Variants in ICOS observed in about 807,000 individuals in gnomAD.
The protein encoded by ICOS is inducible T cell costimulator, also known as inducible T-cell costimulator.
In ICOS, 15 loss-of-function variants were observed where a neutral mutation model predicts 24.6. That is an observed-to-expected ratio of 0.61 (90% CI 0.41 to 0.94). The LOEUF is 0.94. Among genes scored for constraint, ICOS ranks in the 40% least tolerant of loss-of-function variants. The pLI, the probability that ICOS is intolerant of heterozygous loss-of-function variation, is 0.00. For synonymous variants in ICOS, 89 were observed against 77.5 expected (o/e 1.15, Z -0.78); for missense variants, 200 against 233.0 (o/e 0.86, Z 0.92).
At chr2:203,957,923 C>A (rs779182018) in intron 4 of ICOS, 40 bp downstream of exon 4, 1 of 1,229,308 alleles carries the variant, frequency 8.1e-7, no homozygotes, top group African/African-American at 1.5e-5. Context: ...GAAGAGGTTT[C>A]TTCACAGTAA....
intron 1 of ICOS, among the ~76,000 whole-genome samples, chr2:203,951,962 G>A (rs896418898): frequency 2.6e-5 from 4 of 151,826 alleles, no homozygotes; most frequent in Admixed American, 1.3e-4. Context: ...GGATAATATT[G>A]TTCCTTCCAG....
At chr2:203,950,674 A>T (rs1434558913) in intron 1 of ICOS, among the ~76,000 whole-genome samples, 1 of 152,234 alleles carries the variant, frequency 6.6e-6, no homozygotes. Context: ...AACACTGGAT[A>T]TGTGGAAACC....
At position 203,956,642 on chromosome 2, in the gene ICOS, CT is replaced by C. The variant is rs750240095; in HGVS notation, c.395-10del. On this transcript the variant is annotated splice_polypyrimidine_tract_variant and intron_variant, in intron 2 of 4. Coordinates refer to ENST00000316386, the MANE Select transcript of ICOS (RefSeq NM_012092.4). ...TCAGCAGAATTTTTCATTAACATAC[CT>C]TTTTTTCCAATCCAGAATCACAACT... 11 of 1,578,414 alleles carry C rather than the reference CT, an allele frequency of 7.0e-6. No individual in the cohort carries two copies. Among genetic ancestry groups the C allele is most frequent in the Admixed American group, 1.7e-5 (1 of 59,914 alleles).
intron 1 of ICOS, among the ~76,000 whole-genome samples, chr2:203,951,430 T>C (rs1386776266): frequency 6.6e-6 from 1 of 152,214 alleles, no homozygotes; most frequent in Non-Finnish European, 1.5e-5. Flanking sequence ...GTTTCACTTC[T>C]TCATTTCACG....
chr2:203,940,636 T>C (rs1358864440), intron 1 of ICOS, among the ~76,000 whole-genome samples: 1 of 149,596 alleles, frequency 6.7e-6, no homozygotes, highest in Non-Finnish European at 1.5e-5. Context: ...GTGAAGAGTT[T>C]GATGGTAGTC....
At position 203,947,258 on chromosome 2, in the gene ICOS, T is replaced by C. The variant is rs904439696; in HGVS notation, c.59-8378T>C. Among the ~76,000 whole-genome samples the C allele has an allele frequency of 2.0e-5, 3 of 152,210 alleles. No homozygotes were observed. In the South Asian group the frequency reaches 6.2e-4, roughly 31 times the overall value. ...TCACTTAATATAAAGATTTTTATTT[T>C]ACTCTTGAAAACATTAGTCTATTGA... is the stretch of plus-strand genomic sequence containing the variant. On this transcript the variant is annotated intron_variant, in intron 1 of 4. Coordinates refer to ENST00000316386, the MANE Select transcript of ICOS (RefSeq NM_012092.4).
intron 4 of ICOS, 143 bp from the exon 5 acceptor site, chr2:203,959,443 G>T: frequency 1.4e-6 from 1 of 726,324 alleles, no homozygotes; most frequent in East Asian, 2.6e-5. Context: ...GAGTTTGCAT[G>T]GTGTGTGTGT....
chr2:203,938,812 A>G (rs954641152), intron 1 of ICOS, among the ~76,000 whole-genome samples: 11 of 152,188 alleles, frequency 7.2e-5, no homozygotes, highest in Non-Finnish European at 1.5e-4. Context: ...AATGAATACA[A>G]CCAATGTTCA....
At chr2:203,940,598 C>T (rs565968487) in intron 1 of ICOS, among the ~76,000 whole-genome samples, 1 of 152,020 alleles carries the variant, frequency 6.6e-6, no homozygotes, top group African/African-American at 2.4e-5. Flanking sequence ...GATATTCCTC[C>T]ACTGTCTGCT....
chr2:203,936,938 G>T lies in ICOS; in HGVS notation c.58+66G>T. On this transcript the variant is annotated intron_variant, in intron 1 of 4. Transcript: ENST00000316386. Reference sequence around the variant, plus strand: ...AAGTAAACATTAAGAAAAAGCAAAGGTAGAAAAATTACGCACCCAAAAGAC... The same window carrying T: ...AAGTAAACATTAAGAAAAAGCAAAGTTAGAAAAATTACGCACCCAAAAGAC... The T allele has an allele frequency of 2.3e-6, 3 of 1,301,068 alleles. No homozygotes were observed. In the Admixed American group the frequency reaches 5.1e-5, roughly 22 times the overall value. The allele number at this position is 1,301,068 out of a possible 1,614,324, so 80.6% of individuals were successfully genotyped here. A position where few individuals can be genotyped will look rare whatever the true frequency, so the allele number is the denominator to read the frequency against.
At chr2:203,946,220 T>C (rs1440005667) in intron 1 of ICOS, among the ~76,000 whole-genome samples, 2 of 152,200 alleles carry the variant, frequency 1.3e-5, no homozygotes, top group Admixed American at 1.3e-4. Flanking sequence ...GATTTTTTCA[T>C]TTTTCATGAA....
intron 1 of ICOS, among the ~76,000 whole-genome samples, chr2:203,947,333 G>A (rs1237528173): frequency 1.3e-5 from 2 of 151,668 alleles, no homozygotes; most frequent in Non-Finnish European, 2.9e-5. Context: ...TTTTTGAGAC[G>A]GAGTCTTGCT....
At chr2:203,955,257 T>C (rs1412970315) in intron 1 of ICOS, among the ~76,000 whole-genome samples, 1 of 152,198 alleles carries the variant, frequency 6.6e-6, no homozygotes, top group Admixed American at 6.5e-5. Context: ...ATTTAAATAG[T>C]ACTCCATTCC....
chr2:203,940,062 A>G (rs1261459683), intron 1 of ICOS, among the ~76,000 whole-genome samples: 2 of 152,192 alleles, frequency 1.3e-5, no homozygotes, highest in Non-Finnish European at 2.9e-5. Context: ...AAGGTCGACT[A>G]CAGTTCTTAA....
intron 1 of ICOS, among the ~76,000 whole-genome samples, chr2:203,941,239 AAATGTCTCTTATTCTTAT>A (rs1402885758): frequency 6.6e-6 from 1 of 152,118 alleles, no homozygotes; most frequent in Non-Finnish European, 1.5e-5. Flanking sequence ...CTCTTTCTAG[AAATGTCTCTTATTCTTAT>A]GTAAGATCTT....
chr2:203,952,628 C>A (rs1490919044), intron 1 of ICOS, among the ~76,000 whole-genome samples: 1 of 152,142 alleles, frequency 6.6e-6, no homozygotes, highest in Admixed American at 6.5e-5. Context: ...TTCTCTTTAA[C>A]TCTGTCTAAT....
intron 1 of ICOS, among the ~76,000 whole-genome samples, chr2:203,942,689 AT>A (rs1465743706): frequency 2.6e-5 from 4 of 152,206 alleles, no homozygotes; most frequent in Non-Finnish European, 5.9e-5. Flanking sequence ...CCTGAAATTC[AT>A]TTTCATATCT....
intron 1 of ICOS, among the ~76,000 whole-genome samples, chr2:203,940,475 A>C (rs184937557): frequency 2.0e-5 from 3 of 151,816 alleles, no homozygotes; most frequent in African/African-American, 7.3e-5. Context: ...AATACCCCCA[A>C]CTCTCTGAAT....
Position 203,947,844 on chromosome 2 carries a change from A to T in ICOS, c.59-7792A>T, listed in dbSNP as rs10208149. Reference sequence around the variant, plus strand: ...CCAAGACCACATATTCCTTTTTGTGATTTTAGTAACATATTAAGTGCTAAA... The same window carrying T: ...CCAAGACCACATATTCCTTTTTGTGTTTTTAGTAACATATTAAGTGCTAAA... On this transcript the variant is annotated intron_variant, in intron 1 of 4. Coordinates refer to ENST00000316386, the MANE Select transcript of ICOS (RefSeq NM_012092.4). Among the ~76,000 whole-genome samples, 1,097 of 152,306 alleles carry T rather than the reference A, an allele frequency of 7.2e-3. 22 individuals carry two copies. Among genetic ancestry groups the T allele is most frequent in the African/African-American group, 0.025 (1,058 of 41,568 alleles).
Sources: gnomAD v4.1 joint callset for allele counts (sites outside exome capture counted in the v4.1 genomes callset) on GRCh38, gnomAD v4.1.1 for gene constraint, MANE v1.5 for transcripts, NCBI Gene and HGNC (gene_info 2026-07-23, HGNC 2026-07-21) for gene names.